The following MGAT4C variants were observed in gnomAD, a reference collection of about 807,000 sequenced individuals.
MGAT4C encodes MGAT4 family member C.
MGAT4C carries 19 observed loss-of-function variants against 40.1 expected under a neutral mutation model. The ratio of observed to expected loss-of-function variants is 0.47; its 90% CI spans 0.33 to 0.70. The LOEUF is 0.70. Ranked by LOEUF, MGAT4C falls within the 30% of genes least tolerant of loss-of-function variation. The pLI is 0.02. For missense variants in MGAT4C, 491 were observed against 563.2 expected (o/e 0.87, Z 1.30); for synonymous variants, 181 against 187.1 (o/e 0.97, Z 0.27).
chr12:86,704,093 CTAATTA>C (rs1297066444), intron 2 of MGAT4C, among the ~76,000 whole-genome samples: 1 of 151,950 alleles, frequency 6.6e-6, no homozygotes, highest in African/African-American at 2.4e-5. Context: ...ATAATAAGAG[CTAATTA>C]TAATTATATT....
At chr12:86,504,968 G>T (rs1470369013) in intron 2 of MGAT4C, among the ~76,000 whole-genome samples, 1 of 152,064 alleles carries the variant, frequency 6.6e-6, no homozygotes, top group Non-Finnish European at 1.5e-5. Flanking sequence ...TTATTAATTA[G>T]TTAAAGGATA....
intron 4 of MGAT4C, among the ~76,000 whole-genome samples, chr12:86,269,794 A>G (rs1952896106): frequency 1.3e-5 from 2 of 152,132 alleles, no homozygotes; most frequent in Non-Finnish European, 2.9e-5. Context: ...AAGTCAATAT[A>G]GTTATTTTGT....
intron 2 of MGAT4C, among the ~76,000 whole-genome samples, chr12:86,486,469 C>T (rs1393605455): frequency 6.6e-6 from 1 of 151,112 alleles, no homozygotes; most frequent in African/African-American, 2.4e-5. Flanking sequence ...GACTTGAGAC[C>T]ACCAACAATC....
intron 1 of MGAT4C, among the ~76,000 whole-genome samples, chr12:86,763,902 A>T (rs1323503428): frequency 6.6e-6 from 1 of 152,174 alleles, no homozygotes; most frequent in African/African-American, 2.4e-5. Context: ...GCCGAATAGG[A>T]ACAGCTCCTG....
chr12:86,217,523 A>C (rs1267437698), intron 1 of MGAT4C, among the ~76,000 whole-genome samples: 1 of 152,166 alleles, frequency 6.6e-6, no homozygotes, highest in Non-Finnish European at 1.5e-5. Flanking sequence ...CACATTGATA[A>C]ATTGTACTAT....
intron 4 of MGAT4C, among the ~76,000 whole-genome samples, chr12:86,327,128 T>C (rs1162740517): frequency 3.3e-5 from 5 of 152,186 alleles, no homozygotes; most frequent in Non-Finnish European, 7.4e-5. Context: ...TTTACCATTA[T>C]CTTATTATCC....
At chr12:86,121,805 G>A (rs1879417935) in intron 1 of MGAT4C, among the ~76,000 whole-genome samples, 1 of 152,008 alleles carries the variant, frequency 6.6e-6, no homozygotes. Flanking sequence ...GCCAAAAGCA[G>A]ATCACTTTTT....
rs148441841 is a variant in MGAT4C at position 86,429,026 on chromosome 12, T to C, written c.-120+6131A>G. 3.0e-4 allele frequency among the ~76,000 whole-genome samples: 45 copies of C among 152,210 alleles called. No homozygotes were observed. The East Asian group carries it at 4.8e-3, about 16-fold the overall frequency. On this transcript the variant is annotated intron_variant, in intron 3 of 7. Transcript: ENST00000548651. ...GCCTAGTTTGTTCTTTTTCTATTAA[T>C]AGTTCCTTAAGGTGTAATATTATGT...
At chr12:86,273,382 T>C (rs1182090433) in intron 4 of MGAT4C, among the ~76,000 whole-genome samples, 2 of 152,020 alleles carry the variant, frequency 1.3e-5, no homozygotes, top group African/African-American at 4.8e-5. Flanking sequence ...ATAAGAAAAA[T>C]ATAGACATAT....
chr12:86,091,446 CA>C (rs1872865352), intron 1 of MGAT4C, among the ~76,000 whole-genome samples: 1 of 151,798 alleles, frequency 6.6e-6, no homozygotes, highest in South Asian at 2.1e-4. Flanking sequence ...TAGCCAAATA[CA>C]AAAGAAAGCA....
intron 1 of MGAT4C, among the ~76,000 whole-genome samples, chr12:86,810,364 C>T (rs553089201): frequency 2.6e-5 from 4 of 151,628 alleles, no homozygotes; most frequent in Non-Finnish European, 5.9e-5. Flanking sequence ...ATTTTCAATA[C>T]TATGTTGAAT....
Position 85,969,152 on chromosome 12 carries a change from G to T in MGAT4C, c.*10137C>A, listed in dbSNP as rs886743042. 1.3e-5 allele frequency: 2 copies of T among 151,616 alleles called. No homozygotes were observed. The highest frequency in any genetic ancestry group is 4.8e-5 in the African/African-American group (2 of 41,346). 9.4% of individuals were successfully genotyped at this position (151,616 alleles called of 1,614,324 possible). A position where few individuals can be genotyped will look rare whatever the true frequency, so the allele number is the denominator to read the frequency against. On this transcript the variant is annotated 3_prime_UTR_variant, in exon 5 of 5. Transcript: ENST00000611864. Reference sequence around the variant, plus strand: ...CTGAAACACACATTTTCAATATATTGAAAAGATGATTCTTTTGCATGATGA... The same window carrying T: ...CTGAAACACACATTTTCAATATATTTAAAAGATGATTCTTTTGCATGATGA...
chr12:86,064,227 G>C (rs1894282954), intron 1 of MGAT4C, among the ~76,000 whole-genome samples: 1 of 152,056 alleles, frequency 6.6e-6, no homozygotes. Flanking sequence ...AATCAAATTA[G>C]AACTCAGGTT....
chr12:86,188,212 T>G (rs1888989779), intron 1 of MGAT4C, among the ~76,000 whole-genome samples: 1 of 152,098 alleles, frequency 6.6e-6, no homozygotes, highest in African/African-American at 2.4e-5. Flanking sequence ...TTTAAGGGAA[T>G]AGAGTTTATA....
At chr12:86,711,454 G>C (rs890605085) in intron 2 of MGAT4C, among the ~76,000 whole-genome samples, 4 of 152,124 alleles carry the variant, frequency 2.6e-5, no homozygotes, top group African/African-American at 9.6e-5. Flanking sequence ...TACCAAAACA[G>C]ATCTACCGCA....
At chr12:86,299,333 G>T (rs1484820085) in intron 4 of MGAT4C, among the ~76,000 whole-genome samples, 1 of 152,096 alleles carries the variant, frequency 6.6e-6, no homozygotes, top group Admixed American at 6.5e-5. Context: ...TAGCCAGGAT[G>T]GTCTCCATCT....
At chr12:86,500,836 G>A (rs1958327550) in intron 2 of MGAT4C, among the ~76,000 whole-genome samples, 1 of 151,968 alleles carries the variant, frequency 6.6e-6, no homozygotes, top group African/African-American at 2.4e-5. Context: ...ATAAATATTT[G>A]CAAGTTGAAT....
At chr12:86,255,645 T>G (rs1040498887) in intron 1 of MGAT4C, among the ~76,000 whole-genome samples, 6 of 152,236 alleles carry the variant, frequency 3.9e-5, no homozygotes, top group African/African-American at 1.4e-4. Flanking sequence ...AACCCTTACA[T>G]CCATTCTTAA....
At chr12:86,814,314 G>GTATATATATACA (rs1173393246) in intron 1 of MGAT4C, among the ~76,000 whole-genome samples, 2 of 5,554 alleles carry the variant, frequency 3.6e-4, no homozygotes, top group Non-Finnish European at 3.1e-4. Flanking sequence ...ATATATATAC[G>GTATATATATACA]TATATATACA....
Sources: allele counts gnomAD v4.1 joint callset (sites outside exome capture counted in the v4.1 genomes callset), GRCh38; gene constraint gnomAD v4.1.1; transcripts MANE v1.5; gene names NCBI Gene and HGNC (gene_info 2026-07-23, HGNC 2026-07-21).